DLG2: variants seen among roughly 807,000 people sequenced by gnomAD.
DLG2 encodes the protein disks large homolog 2.
Under a neutral mutation model 132.5 loss-of-function variants are expected in DLG2, and 45 were observed. That is an observed-to-expected ratio of 0.34 (90% CI 0.27 to 0.44). The LOEUF (loss-of-function observed/expected upper bound fraction) is 0.44. DLG2 is among the 20% of genes least tolerant of loss of function. The pLI is 1.00. For missense variants in DLG2, 1,045 were observed against 1,196.9 expected (o/e 0.87, Z 1.87); for synonymous variants, 424 against 419.6 (o/e 1.01, Z -0.13).
At chr11:83,473,251 A>T (rs1307140769) in intron 22 of DLG2, among the ~76,000 whole-genome samples, 1 of 152,168 alleles carries the variant, frequency 6.6e-6, no homozygotes, top group East Asian at 1.9e-4. Context: ...TAAAAACTTC[A>T]TCAGGACACT....
At chr11:83,520,537 G>A (rs4573701) in intron 21 of DLG2, among the ~76,000 whole-genome samples, 6,955 of 152,164 alleles carry the variant, frequency 0.046, 555 homozygotes, top group African/African-American at 0.16. Context: ...TGCTTACTGC[G>A]TTGTCATAGA....
chr11:83,964,204 C>G (rs948952315), intron 13 of DLG2, among the ~76,000 whole-genome samples: 5 of 151,080 alleles, frequency 3.3e-5, no homozygotes, highest in Admixed American at 6.6e-5. Context: ...ACCTTATATG[C>G]CCTGCATGAA....
At chr11:85,513,598 G>T (rs1226735348) in intron 3 of DLG2, among the ~76,000 whole-genome samples, 1 of 151,688 alleles carries the variant, frequency 6.6e-6, no homozygotes, top group Admixed American at 6.6e-5. Context: ...ATATCTTCTT[G>T]CCTCCCCATT....
At chr11:84,802,425 G>A (rs550831899) in intron 6 of DLG2, among the ~76,000 whole-genome samples, 1 of 152,086 alleles carries the variant, frequency 6.6e-6, no homozygotes, top group Non-Finnish European at 1.5e-5. Context: ...CTAAGGATTA[G>A]GGCAAGAGAG....
intron 19 of DLG2, among the ~76,000 whole-genome samples, chr11:83,549,051 A>G (rs1032973224): frequency 4.6e-5 from 7 of 152,068 alleles, no homozygotes; most frequent in African/African-American, 1.7e-4. Context: ...TGCTTTCCTG[A>G]CAACATTAAG....
intron 19 of DLG2, among the ~76,000 whole-genome samples, chr11:83,571,699 G>T (rs902068773): frequency 1.0e-3 from 154 of 152,180 alleles, no homozygotes; most frequent in African/African-American, 3.6e-3. Flanking sequence ...CTGATGAGCG[G>T]ACTGAAACTG....
chr11:85,282,705 T>C (rs925434845), intron 4 of DLG2, among the ~76,000 whole-genome samples: 1 of 151,964 alleles, frequency 6.6e-6, no homozygotes, highest in African/African-American at 2.4e-5. Flanking sequence ...CTATGCAATA[T>C]ATATGGGACT....
chr11:84,640,242 G>A (rs906387215), intron 6 of DLG2: 1 of 312,472 alleles, frequency 3.2e-6, no homozygotes, highest in Non-Finnish European at 6.3e-6. Flanking sequence ...GGTGTTAACA[G>A]TGGGCTTCCA....
chr11:85,092,904 G>T (rs1024294962), intron 6 of DLG2, among the ~76,000 whole-genome samples: 10 of 152,148 alleles, frequency 6.6e-5, no homozygotes, highest in Admixed American at 2.6e-4. Context: ...GCCTCCCAAA[G>T]TGCTGGGATT....
chr11:84,091,620 T>C (rs1221631194), intron 10 of DLG2, among the ~76,000 whole-genome samples: 2 of 152,236 alleles, frequency 1.3e-5, no homozygotes, highest in African/African-American at 2.4e-5. Flanking sequence ...CCAGAATTTA[T>C]ATGTCTATAT....
At chr11:85,058,470 T>C (rs1005787729) in intron 6 of DLG2, among the ~76,000 whole-genome samples, 1 of 151,494 alleles carries the variant, frequency 6.6e-6, no homozygotes, top group Non-Finnish European at 1.5e-5. Flanking sequence ...CCTTCTCAAG[T>C]TGGCCCACAG....
intron 3 of DLG2, among the ~76,000 whole-genome samples, chr11:85,517,011 G>T (rs1477105002): frequency 6.6e-6 from 1 of 151,892 alleles, no homozygotes; most frequent in Non-Finnish European, 1.5e-5. Flanking sequence ...GATGAAAATA[G>T]ATATAAAAAC....
At chr11:84,789,705 C>G (rs2073507777) in intron 6 of DLG2, among the ~76,000 whole-genome samples, 1 of 152,090 alleles carries the variant, frequency 6.6e-6, no homozygotes, top group Non-Finnish European at 1.5e-5. Context: ...TTAACCATCT[C>G]TACATCCCCC....
At chr11:85,399,060 C>A (rs1270716465) in intron 3 of DLG2, among the ~76,000 whole-genome samples, 2 of 152,166 alleles carry the variant, frequency 1.3e-5, no homozygotes, top group Non-Finnish European at 2.9e-5. Context: ...TCTCCTTAAG[C>A]TGATAAGCAA....
At chr11:85,291,575 G>T (rs1191743581) in intron 3 of DLG2, among the ~76,000 whole-genome samples, 1 of 134,802 alleles carries the variant, frequency 7.4e-6, no homozygotes, top group Non-Finnish European at 1.5e-5. Flanking sequence ...AATCACCTGA[G>T]GATTCTCTTC....
At chr11:84,547,621 G>T (rs1295526970) in intron 6 of DLG2, among the ~76,000 whole-genome samples, 1 of 152,110 alleles carries the variant, frequency 6.6e-6, no homozygotes, top group Non-Finnish European at 1.5e-5. Context: ...AAACTTAGTT[G>T]ATAAATGATA....
At chr11:84,318,458 G>A (rs187700583) in intron 7 of DLG2, among the ~76,000 whole-genome samples, 54 of 152,252 alleles carry the variant, frequency 3.5e-4, no homozygotes, top group African/African-American at 1.2e-3. Context: ...TACTTTATCT[G>A]TAGACCATCA....
chr11:83,635,337 T>C (rs17145854), intron 18 of DLG2, among the ~76,000 whole-genome samples: 1,634 of 152,334 alleles, frequency 0.011, 29 homozygotes, highest in African/African-American at 0.038. Context: ...AAGAGTCAAT[T>C]AACATTTATT....
intron 19 of DLG2, among the ~76,000 whole-genome samples, chr11:83,628,041 G>C (rs567609693): frequency 6.6e-6 from 1 of 152,044 alleles, no homozygotes; most frequent in South Asian, 2.1e-4. Context: ...CATATCCTTC[G>C]CCCACTTTTT....
Sources: allele counts gnomAD v4.1 joint callset (sites outside exome capture counted in the v4.1 genomes callset), GRCh38; gene constraint gnomAD v4.1.1; transcripts MANE v1.5; gene names NCBI Gene and HGNC (gene_info 2026-07-23, HGNC 2026-07-21).